FAM204A: variants seen among roughly 807,000 people sequenced by gnomAD.
FAM204A encodes the protein protein FAM204A.
Under a neutral mutation model 35.4 loss-of-function variants are expected in FAM204A, and 16 were observed. The ratio of observed to expected loss-of-function variants is 0.45; its 90% confidence interval spans 0.31 to 0.69. The LOEUF is 0.69. Among genes scored for constraint, FAM204A ranks in the 30% least tolerant of loss-of-function variants. FAM204A has a pLI of 0.07. For missense variants in FAM204A, 240 were observed against 265.7 expected (o/e 0.90, Z 0.67); for synonymous variants, 76 against 86.9 (o/e 0.88, Z 0.70).
rs187168180 is a variant in FAM204A, at chr10:118,334,025, T to G, written c.453+1089A>C. Among the ~76,000 whole-genome samples, 4 of 152,314 alleles carry G rather than the reference T, an allele frequency of 2.6e-5. No homozygotes were observed. The East Asian group carries it at 7.7e-4, about 29-fold the overall frequency. ...TCAACTAGCCCCCTGAGCCTCCAGC[T>G]CTACCACTCGGCACTTGATTTTCAT... On this transcript the variant is annotated intron_variant, in intron 6 of 8. Coordinates refer to ENST00000369183, the MANE Select transcript of FAM204A (RefSeq NM_022063.3).
intron 7 of FAM204A, among the ~76,000 whole-genome samples, chr10:118,311,785 A>AAAGCTAATTAC (rs1207949691): frequency 2.0e-5 from 3 of 152,206 alleles, no homozygotes; most frequent in African/African-American, 4.8e-5. Flanking sequence ...AAAACATGGG[A>AAAGCTAATTAC]AAGCTAATTA....
At chr10:118,331,314 C>A (rs1846284820) in intron 6 of FAM204A, among the ~76,000 whole-genome samples, 1 of 152,112 alleles carries the variant, frequency 6.6e-6, no homozygotes, top group Non-Finnish European at 1.5e-5. Context: ...GCCTGCAGCA[C>A]CTTGGTGTGC....
chr10:118,317,328 C>T (rs946902716), intron 7 of FAM204A, among the ~76,000 whole-genome samples: 2 of 152,018 alleles, frequency 1.3e-5, no homozygotes, highest in Admixed American at 6.6e-5. Flanking sequence ...AGAAAACATG[C>T]TGATTAATTG....
At position 118,305,850 on chromosome 10, in the gene FAM204A, TC is replaced by T. The variant is rs994722520; in HGVS notation, c.*5006del. ...ACGCAAAGCTTCATTGTTTCACTATTCCTTGTGACATTCATAATTACTTCTA... is the reference window on the plus strand; with the variant it reads ...ACGCAAAGCTTCATTGTTTCACTATTCTTGTGACATTCATAATTACTTCTA... On this transcript the variant is annotated 3_prime_UTR_variant, in exon 9 of 9. Transcript: ENST00000369183. 6.6e-6 allele frequency: 1 copy of T among 152,238 alleles called. No individual in the cohort carries two copies. Among genetic ancestry groups the T allele is most frequent in the Non-Finnish European group, 1.5e-5 (1 of 68,048 alleles). 9.4% of individuals were successfully genotyped at this position (152,238 alleles called of 1,614,324 possible).
intron 7 of FAM204A, among the ~76,000 whole-genome samples, chr10:118,315,816 A>G (rs1846022093): frequency 6.6e-6 from 1 of 152,140 alleles, no homozygotes; most frequent in South Asian, 2.1e-4. Flanking sequence ...AGATTCTGGG[A>G]GCCGAACATG....
chr10:118,322,189 C>A, intron 7 of FAM204A: 3 of 241,148 alleles, frequency 1.2e-5, no homozygotes, highest in Non-Finnish European at 2.6e-5. Context: ...ACAGGGAAAA[C>A]ATGAGAAAGA....
rs61481996 is a variant in FAM204A, at chr10:118,320,402, G to C, written c.543+5752C>G. Among the ~76,000 whole-genome samples the C allele has an allele frequency of 4.3e-3, 646 of 151,328 alleles. 1 individual carries two copies. Among genetic ancestry groups the C allele is most frequent in the African/African-American group, 0.014 (589 of 41,240 alleles). ...TGTTTCTATCGTTTTCTATAAATTG[G>C]TATGATTTAAACAAACATAATGTAT... On this transcript the variant is annotated intron_variant, in intron 7 of 8. Transcript: ENST00000369183.
rs967792666 is a variant in FAM204A at position 118,341,838 on chromosome 10, A to AAG, written c.-122_-121dup. 1 of 152,246 alleles carries AAG rather than the reference A, an allele frequency of 6.6e-6. No individual in the cohort carries two copies. Among genetic ancestry groups the AAG allele is most frequent in the Non-Finnish European group, 1.5e-5 (1 of 68,136 alleles). 9.4% of individuals were successfully genotyped at this position (152,246 alleles called of 1,614,324 possible). A position where few individuals can be genotyped will look rare whatever the true frequency, so the allele number is the denominator to read the frequency against. On this transcript the variant is annotated 5_prime_UTR_variant, in exon 2 of 9. Transcript: ENST00000369183. ...CGGCAATGCCACACTCCAATCCCAA[A>AAG]AGAGAGAGAAGCCCCTCCCGGGCAC...
At position 118,335,539 on chromosome 10, in the gene FAM204A, G is replaced by A. The variant is rs201849852; in HGVS notation, c.322+15C>T. 320 of 1,609,270 alleles carry A rather than the reference G, an allele frequency of 2.0e-4. 1 individual carries two copies. Among genetic ancestry groups the A allele is most frequent in the Non-Finnish European group, 2.2e-4 (258 of 1,178,746 alleles). On this transcript the variant is annotated intron_variant, in intron 4 of 8. Transcript: ENST00000369183. ...AGCATTAGCACGACGAACAACCTGA[G>A]TTAAAACAAAACACCTTTTCTGGAG...
At chr10:118,312,047 C>T (rs952524846) in intron 7 of FAM204A, among the ~76,000 whole-genome samples, 1 of 152,146 alleles carries the variant, frequency 6.6e-6, no homozygotes, top group African/African-American at 2.4e-5. Flanking sequence ...TTTCTCCAGC[C>T]CTCCAGCTTT....
intron 2 of FAM204A, among the ~76,000 whole-genome samples, chr10:118,339,576 T>C (rs1846441258): frequency 1.3e-5 from 2 of 152,246 alleles, no homozygotes; most frequent in Non-Finnish European, 1.5e-5. Flanking sequence ...TAAATTTGTT[T>C]AGCATAGATT....
At chr10:118,332,326 T>C (rs1230406050) in intron 6 of FAM204A, among the ~76,000 whole-genome samples, 4 of 152,070 alleles carry the variant, frequency 2.6e-5, no homozygotes, top group Non-Finnish European at 4.4e-5. Context: ...TCAGTTTCTT[T>C]ATCTGTATTC....
chr10:118,326,358 A>C, intron 6 of FAM204A, 115 bp from the exon 7 acceptor site: 2 of 856,938 alleles, frequency 2.3e-6, no homozygotes, highest in Non-Finnish European at 3.7e-6. Flanking sequence ...ATTAATTCTC[A>C]CAATAACACC....
chr10:118,335,006 G>A (rs1010059581), intron 6 of FAM204A, 108 bp downstream of exon 6: 1 of 740,226 alleles, frequency 1.4e-6, no homozygotes. Flanking sequence ...TTGGTATGCA[G>A]TAGGCATCTT....
chr10:118,338,673 A>G (rs371310541), intron 2 of FAM204A, among the ~76,000 whole-genome samples: 1 of 152,342 alleles, frequency 6.6e-6, no homozygotes, highest in Admixed American at 6.5e-5. Flanking sequence ...TTTTTGAGCC[A>G]AGTATTCCTT....
intron 7 of FAM204A, among the ~76,000 whole-genome samples, chr10:118,317,651 A>C (rs2133271283): frequency 6.6e-6 from 1 of 152,158 alleles, no homozygotes; most frequent in Admixed American, 6.5e-5. Flanking sequence ...TTGTATGGGA[A>C]CAAACATATC....
chr10:118,303,435 C>T lies in FAM204A; in HGVS notation c.*7422G>A, dbSNP rs905357668. 6.6e-6 allele frequency: 1 copy of T among 152,270 alleles called. No homozygotes were observed. The highest frequency in any genetic ancestry group is 2.4e-5 in the African/African-American group (1 of 41,444). 9.4% of individuals were successfully genotyped at this position (152,270 alleles called of 1,614,324 possible). ...ACTGGAAGGACCAGGTATGTATCCT[C>T]CACCCCTTCCATCCATCCCTCCTTT... On this transcript the variant is annotated 3_prime_UTR_variant, in exon 9 of 9. Coordinates refer to ENST00000369183, the MANE Select transcript of FAM204A (RefSeq NM_022063.3).
Position 118,307,419 on chromosome 10 carries a change from GC to G in FAM204A, c.*3437del, listed in dbSNP as rs1845880485. The G allele has an allele frequency of 6.6e-6, 1 of 152,174 alleles. No homozygotes were observed. 9.4% of individuals were successfully genotyped at this position (152,174 alleles called of 1,614,324 possible). On this transcript the variant is annotated 3_prime_UTR_variant, in exon 9 of 9. Transcript: ENST00000369183. The stretch of plus-strand genomic sequence containing the variant: ...TGACATGCAAAGCATTTGTTGCTCT[GC>G]CAGATACTAAAAATAAAAGCAACTT...
At chr10:118,330,273 T>C (rs968429160) in intron 6 of FAM204A, among the ~76,000 whole-genome samples, 2 of 152,176 alleles carry the variant, frequency 1.3e-5, no homozygotes, top group African/African-American at 2.4e-5. Context: ...CATAGCCTGA[T>C]ACCTCAACTC....
Sources: allele counts gnomAD v4.1 joint callset (sites outside exome capture counted in the v4.1 genomes callset), GRCh38; gene constraint gnomAD v4.1.1; transcripts MANE v1.5; gene names NCBI Gene and HGNC (gene_info 2026-07-23, HGNC 2026-07-21).